PPFIA1: variants seen among roughly 807,000 people sequenced by gnomAD.
PPFIA1 encodes the protein liprin-alpha-1.
A neutral mutation model predicts 149.9 loss-of-function variants in PPFIA1; 25 were observed. The ratio of observed to expected loss-of-function variants is 0.17; its 90% CI spans 0.12 to 0.23. The LOEUF (loss-of-function observed/expected upper bound fraction) is 0.23. Among genes scored for constraint, PPFIA1 ranks in the 10% least tolerant of loss-of-function variants. The pLI is 1.00. For synonymous variants in PPFIA1, 549 were observed against 552.8 expected, an observed-to-expected ratio of 0.99 and a Z score of 0.10; for missense variants, 1,362 against 1,506.5, an observed-to-expected ratio of 0.90 and a Z score of 1.59.
chr11:70,272,792 A>G lies in PPFIA1; in HGVS notation c.264+356A>G, dbSNP rs185835177. ...TTTTCTGGCTAAACTTGTACTTCCCATGGATTATCTCATGTATTTCTAATT... is the reference window on the plus strand; with the variant it reads ...TTTTCTGGCTAAACTTGTACTTCCCGTGGATTATCTCATGTATTTCTAATT... On this transcript the variant is annotated intron_variant, in intron 2 of 27. Transcript: ENST00000253925. Among the ~76,000 whole-genome samples the G allele has an allele frequency of 2.0e-4, 30 of 152,332 alleles. No individual in the cohort carries two copies. The East Asian group carries it at 5.0e-3, about 25-fold the overall frequency.
At chr11:70,279,646 T>C (rs905911218) in intron 2 of PPFIA1, among the ~76,000 whole-genome samples, 1 of 151,750 alleles carries the variant, frequency 6.6e-6, no homozygotes, top group African/African-American at 2.4e-5. Flanking sequence ...GTGATATACA[T>C]TAGGCTTTTA....
intron 2 of PPFIA1, among the ~76,000 whole-genome samples, chr11:70,319,411 C>T (rs945155906): frequency 7.2e-5 from 11 of 152,226 alleles, no homozygotes; most frequent in African/African-American, 1.7e-4. Flanking sequence ...GTGAAGGGCA[C>T]GGCTCATGAG....
intron 21 of PPFIA1, among the ~76,000 whole-genome samples, chr11:70,363,795 T>C (rs1239318574): frequency 6.6e-6 from 1 of 152,212 alleles, no homozygotes; most frequent in African/African-American, 2.4e-5. Flanking sequence ...ATTACAGGTG[T>C]GAGCCACCAT....
chr11:70,295,819 G>T (rs2051947317), intron 2 of PPFIA1, among the ~76,000 whole-genome samples: 1 of 151,774 alleles, frequency 6.6e-6, no homozygotes, highest in South Asian at 2.1e-4. Context: ...GCGGCTGCTG[G>T]GCGGAGACGC....
chr11:70,335,778 A>T, intron 11 of PPFIA1, 84 bp downstream of exon 11: 3 of 1,511,172 alleles, frequency 2.0e-6, no homozygotes, highest in Non-Finnish European at 2.7e-6. Context: ...GGCGTGTGTA[A>T]CAGTGGTTAG....
intron 2 of PPFIA1, among the ~76,000 whole-genome samples, chr11:70,279,836 G>C (rs952708441): frequency 4.0e-5 from 6 of 149,014 alleles, no homozygotes; most frequent in African/African-American, 1.5e-4. Context: ...CAGTCTTCCT[G>C]CCTTGGCCTC....
intron 2 of PPFIA1, among the ~76,000 whole-genome samples, chr11:70,317,720 G>A (rs1323428119): frequency 6.6e-6 from 1 of 152,062 alleles, no homozygotes; most frequent in Non-Finnish European, 1.5e-5. Context: ...AGTGAAGGTG[G>A]GGCCAGGTGG....
intron 16 of PPFIA1, among the ~76,000 whole-genome samples, chr11:70,352,273 G>T (rs1459777144): frequency 6.6e-6 from 1 of 152,200 alleles, no homozygotes; most frequent in African/African-American, 2.4e-5. Context: ...TGAAGATAAT[G>T]ATAGAACAGT....
intron 16 of PPFIA1, among the ~76,000 whole-genome samples, chr11:70,351,275 C>G (rs1416092257): frequency 1.3e-5 from 2 of 152,200 alleles, no homozygotes; most frequent in East Asian, 3.9e-4. Context: ...GCCTTCTGAT[C>G]ATTACATGCT....
chr11:70,293,946 T>C (rs1427453872), intron 2 of PPFIA1, among the ~76,000 whole-genome samples: 10 of 149,364 alleles, frequency 6.7e-5, no homozygotes, highest in African/African-American at 2.5e-4. Flanking sequence ...CTCTCTCTTT[T>C]TTTTTTTTTT....
chr11:70,325,588 T>C lies in PPFIA1; in HGVS notation c.606+14T>C, dbSNP rs1591216312. The C allele has an allele frequency of 2.0e-6, 3 of 1,527,038 alleles. No homozygotes were observed. Among genetic ancestry groups the C allele is most frequent in the Admixed American group, 1.7e-5 (1 of 59,598 alleles). The allele number at this position is 1,527,038 out of a possible 1,614,324, so 94.6% of individuals were successfully genotyped here. ...ACACACAAAGAGGTAAGCTTGAGAC[T>C]TCATCATGAGTTGAATTGGGGGGGG... On this transcript the variant is annotated intron_variant, in intron 5 of 27. Transcript: ENST00000253925.
chr11:70,329,143 A>G (rs1591234376), intron 7 of PPFIA1, among the ~76,000 whole-genome samples: 1 of 152,280 alleles, frequency 6.6e-6, no homozygotes, highest in East Asian at 1.9e-4. Context: ...TACTGTGTCC[A>G]CTGAGAGAGG....
chr11:70,288,040 C>T (rs1049527510), intron 2 of PPFIA1, among the ~76,000 whole-genome samples: 3 of 151,094 alleles, frequency 2.0e-5, no homozygotes, highest in Non-Finnish European at 4.4e-5. Flanking sequence ...CTCTCACTTG[C>T]TCTCCAGCCA....
At chr11:70,329,109 T>G (rs2054497415) in intron 7 of PPFIA1, among the ~76,000 whole-genome samples, 1 of 152,190 alleles carries the variant, frequency 6.6e-6, no homozygotes, top group Non-Finnish European at 1.5e-5. Flanking sequence ...ACCCTTATCC[T>G]AGAAAGTGAG....
At chr11:70,308,339 C>T (rs577082713) in intron 2 of PPFIA1, among the ~76,000 whole-genome samples, 8 of 152,320 alleles carry the variant, frequency 5.3e-5, no homozygotes, top group Non-Finnish European at 8.8e-5. Flanking sequence ...TGAGCCACCA[C>T]GCCTGGCCAG....
chr11:70,314,819 A>G (rs952539175), intron 2 of PPFIA1, among the ~76,000 whole-genome samples: 4 of 152,218 alleles, frequency 2.6e-5, no homozygotes, highest in African/African-American at 9.7e-5. Context: ...TCACACCGCT[A>G]TGAAAAAATA....
intron 2 of PPFIA1, among the ~76,000 whole-genome samples, chr11:70,288,983 T>C (rs2051339995): frequency 1.3e-5 from 2 of 150,996 alleles, no homozygotes; most frequent in Admixed American, 1.3e-4. Flanking sequence ...TTTTTTTTTT[T>C]TGGGGACGGA....
At chr11:70,353,690 A>G (rs563949616) in intron 16 of PPFIA1, among the ~76,000 whole-genome samples, 1 of 152,342 alleles carries the variant, frequency 6.6e-6, no homozygotes, top group Non-Finnish European at 1.5e-5. Context: ...AAAAATGTTT[A>G]AACTGCATAA....
At chr11:70,377,341 T>TG (rs2057533126) in intron 25 of PPFIA1, among the ~76,000 whole-genome samples, 1 of 152,168 alleles carries the variant, frequency 6.6e-6, no homozygotes. Context: ...CACAAAATGT[T>TG]AATTTCCCCT....
Sources: gnomAD v4.1 joint callset for allele counts (sites outside exome capture counted in the v4.1 genomes callset) on GRCh38, gnomAD v4.1.1 for gene constraint, MANE v1.5 for transcripts, NCBI Gene and HGNC (gene_info 2026-07-23, HGNC 2026-07-21) for gene names.